Variants in MDN1 observed in about 807,000 individuals in gnomAD.
MDN1 encodes midasin AAA ATPase 1, also known as midasin.
A neutral mutation model predicts 669.2 loss-of-function variants in MDN1; 266 were observed. The ratio of observed to expected loss-of-function variants is 0.40; its 90% CI spans 0.36 to 0.44. The LOEUF is 0.44. Ranked by LOEUF, MDN1 falls within the 20% of genes least tolerant of loss-of-function variation. The probability of loss-of-function intolerance (pLI) is 1.00; values close to 1 mark genes in which losing one functional copy is unlikely to be tolerated. For synonymous variants in MDN1, 2,385 were observed against 2,457.1 expected (o/e 0.97, Z 0.87); for missense variants, 5,940 against 6,754.0 (o/e 0.88, Z 4.22).
At chr6:89,784,461 A>G (rs1474575231) in intron 9 of MDN1, among the ~76,000 whole-genome samples, 10 of 152,238 alleles carry the variant, frequency 6.6e-5, no homozygotes, top group Admixed American at 6.5e-4. Context: ...TCTCCTAGAT[A>G]AAGCACTGGG....
intron 15 of MDN1, among the ~76,000 whole-genome samples, chr6:89,768,039 A>T (rs971285805): frequency 2.0e-5 from 3 of 151,500 alleles, no homozygotes; most frequent in African/African-American, 7.3e-5. Context: ...CCCTGTCTCA[A>T]AAAAAAAACA....
chr6:89,711,957 T>A (rs1265064513), intron 49 of MDN1, 79 bp downstream of exon 49: 1 of 1,280,554 alleles, frequency 7.8e-7, no homozygotes, highest in African/African-American at 1.5e-5. Context: ...AGTCACAGAT[T>A]AACACAGCTG....
intron 1 of MDN1, among the ~76,000 whole-genome samples, chr6:89,810,892 GGCAGGAGAATT>G (rs1470676768): frequency 6.6e-6 from 1 of 152,126 alleles, no homozygotes; most frequent in Non-Finnish European, 1.5e-5. Flanking sequence ...CAGCTGCTGA[GGCAGGAGAATT>G]GCTTGAACCA....
At position 89,743,582 on chromosome 6, in the gene MDN1, G is replaced by T. The variant is rs148605245; in HGVS notation, c.4311C>A (p.Asn1437Lys). Residue 1437 changes from asparagine (N) to lysine (K), a missense_variant, in exon 30 of 102, where the codon AAC becomes AAA. By Grantham distance (94) the Asn-to-Lys change is moderately conservative (BLOSUM62 0). This residue lies in a region of MDN1 where 2,292 missense variants were observed against 2,638.3 expected (regional missense o/e 0.87). Coordinates refer to ENST00000369393, the MANE Select transcript of MDN1 (RefSeq NM_014611.3). ...CACTTGCTGCTGGACAAACCTTGTC[G>T]TTTGGCTTTTGTCTCACTGGCCGCA... ...GGLRPVRQKP[N>K]DKEEIDTSRL... is the part of the protein sequence containing the mutation. 1 of 1,613,364 alleles carries T rather than the reference G, an allele frequency of 6.2e-7. No individual in the cohort carries two copies. Among genetic ancestry groups the T allele is most frequent in the African/African-American group, 1.3e-5 (1 of 74,862 alleles).
chr6:89,778,973 A>G (rs1055395900), intron 11 of MDN1, among the ~76,000 whole-genome samples: 3 of 148,750 alleles, frequency 2.0e-5, no homozygotes, highest in Middle Eastern at 3.5e-3. Context: ...GTACTAAAAT[A>G]AGCCAAAGAA....
intron 2 of MDN1, among the ~76,000 whole-genome samples, chr6:89,799,732 T>C (rs1004634532): frequency 2.0e-5 from 3 of 152,200 alleles, no homozygotes; most frequent in Non-Finnish European, 4.4e-5. Context: ...TTTATGCATT[T>C]TCCTACCACA....
chr6:89,725,201 G>T lies in MDN1; in HGVS notation c.5668C>A (p.Gln1890Lys), dbSNP rs965285385. ...LPRSFLNRFT[Q>K]VFVDPLTVID... Reference sequence around the variant, plus strand: ...TCTATGGCAACAGCAAATCTTACCTGAGTGAATCTGTTAAGGAAAGACCTG... The same window carrying T: ...TCTATGGCAACAGCAAATCTTACCTTAGTGAATCTGTTAAGGAAAGACCTG... The change falls in exon 38 of 102, where the codon CAG becomes AAG. Residue 1890 changes from glutamine (Q) to lysine (K), a missense_variant and splice_region_variant. Physicochemically the swap from Gln to Lys is moderately conservative, Grantham distance 53. This residue lies in a region of MDN1 where 2,292 missense variants were observed against 2,638.3 expected (regional missense o/e 0.87). Coordinates refer to ENST00000369393, the MANE Select transcript of MDN1 (RefSeq NM_014611.3). 6.2e-7 allele frequency: 1 copy of T among 1,613,716 alleles called. No individual in the cohort carries two copies. Among genetic ancestry groups the T allele is most frequent in the Non-Finnish European group, 8.5e-7 (1 of 1,179,858 alleles).
chr6:89,714,260 T>C (rs923062864), intron 46 of MDN1, among the ~76,000 whole-genome samples: 1 of 152,104 alleles, frequency 6.6e-6, no homozygotes, highest in African/African-American at 2.4e-5. Flanking sequence ...TGGGCAAACT[T>C]CATAAACCTC....
rs541564987 is a variant in MDN1 at position 89,692,876 on chromosome 6, C to T, written c.10154G>A (p.Arg3385Gln). Residue 3385 changes from arginine (R) to glutamine (Q), a missense_variant, in exon 63 of 102, where the codon CGG becomes CAG. Coordinates refer to ENST00000369393, the MANE Select transcript of MDN1 (RefSeq NM_014611.3). ...WQQSHHQFRK[R>Q]LSEEYTFYPD... The stretch of plus-strand genomic sequence containing the variant: ...ATAGAAGGTGTACTCCTCTGACAGC[C>T]GCTTCCGGAACTGGTGGTGTGACTG... 43 of 1,614,104 alleles carry T rather than the reference C, an allele frequency of 2.7e-5. No individual in the cohort carries two copies. The South Asian group carries it at 3.4e-4, about 13-fold the overall frequency.
chr6:89,746,611 A>AGAAAG (rs1554191093), intron 27 of MDN1, among the ~76,000 whole-genome samples: 4 of 40,548 alleles, frequency 9.9e-5, no homozygotes, highest in Admixed American at 5.5e-4. Flanking sequence ...AAAAAAAAAA[A>AGAAAG]AAAGAAAGAA....
chr6:89,646,640 T>A, intron 99 of MDN1, 37 bp from the exon 100 acceptor site: 1 of 1,543,576 alleles, frequency 6.5e-7, no homozygotes, highest in East Asian at 2.2e-5. Flanking sequence ...TAGAAAACTA[T>A]GTGAATGCTC....
intron 50 of MDN1, 147 bp from the exon 51 acceptor site, chr6:89,708,775 T>G (rs1584240439): frequency 2.4e-6 from 2 of 829,214 alleles, no homozygotes; most frequent in East Asian, 5.0e-5. Context: ...ACCATGAGTT[T>G]CATCCCATAA....
intron 1 of MDN1, among the ~76,000 whole-genome samples, chr6:89,818,513 A>G (rs1182313383): frequency 6.6e-6 from 1 of 151,514 alleles, no homozygotes; most frequent in Non-Finnish European, 1.5e-5. Context: ...CTGGGACCCA[A>G]GTACCTGGGA....
Position 89,727,888 on chromosome 6 carries a change from C to T in MDN1, c.5417G>A (p.Arg1806His), listed in dbSNP as rs925090167. 22 of 1,613,904 alleles carry T rather than the reference C, an allele frequency of 1.4e-5. No individual in the cohort carries two copies. The highest frequency in any genetic ancestry group is 1.6e-4 in the Middle Eastern group (1 of 6,082). The part of the protein sequence containing the change: ...EGGKGGEFAW[R>H]DGPLLAALKA... ...CAAAGCTGCCAGTAAGGGGCCATCA[C>T]GCCAGGCAAACTCTCCTCCCTTGCC... Residue 1806 changes from arginine (R) to histidine (H), a missense_variant, in exon 37 of 102, where the codon CGT (arginine) becomes CAT (histidine). Physicochemically the swap from Arg to His is conservative, Grantham distance 29. Coordinates refer to ENST00000369393, the MANE Select transcript of MDN1 (RefSeq NM_014611.3).
intron 26 of MDN1, 65 bp from the exon 27 acceptor site, chr6:89,747,535 A>G: frequency 1.4e-6 from 2 of 1,435,300 alleles, no homozygotes; most frequent in South Asian, 2.5e-5. Flanking sequence ...TTTTTAGTAC[A>G]ATGCATATAA....
At chr6:89,715,228 A>G (rs993058039) in intron 45 of MDN1, among the ~76,000 whole-genome samples, 29 of 152,112 alleles carry the variant, frequency 1.9e-4, no homozygotes. Flanking sequence ...TCCCTTTCTC[A>G]ATGAATGGCA....
intron 20 of MDN1, 133 bp from the exon 21 acceptor site, chr6:89,754,363 CAA>C (rs1195575342): frequency 1.2e-6 from 1 of 840,358 alleles, no homozygotes; most frequent in African/African-American, 1.8e-5. Flanking sequence ...GGGCATGCAT[CAA>C]AATATCTTAG....
chr6:89,678,728 C>G lies in MDN1; in HGVS notation c.12283G>C (p.Val4095Leu), dbSNP rs766039580. 15 of 1,612,062 alleles carry G rather than the reference C, an allele frequency of 9.3e-6. No homozygotes were observed. Among genetic ancestry groups the G allele is most frequent in the Admixed American group, 3.4e-5 (2 of 59,522 alleles). ...DQFTGEVISS[V>L]SELQSLKVEP... ...ACCTTTAAGCTCTGCAGCTCACTCA[C>G]AGAGGAAATCACTTCACCTGTAAGG... The change falls in exon 75 of 102, where the codon GTG becomes CTG. Residue 4095 changes from valine to leucine, a missense_variant. By Grantham distance (32) the Val-to-Leu change is conservative. Transcript: ENST00000369393.
Position 89,698,987 on chromosome 6 carries a change from T to C in MDN1, c.9046A>G (p.Met3016Val). The C allele has an allele frequency of 6.2e-7, 1 of 1,613,938 alleles. No homozygotes were observed. The highest frequency in any genetic ancestry group is 1.1e-5 in the South Asian group (1 of 91,080). ...TSLWSELFNS[M>V]FMSFWSSTVT... ...GTACTGCTCCAGAAAGACATAAACA[T>C]GGAATTAAATAACTCGGACCACAAA... The change falls in exon 59 of 102, where the codon ATG becomes GTG. Residue 3016 changes from methionine (M) to valine (V), a missense_variant. Met to Val is a conservative substitution (Grantham distance 21). Coordinates refer to ENST00000369393, the MANE Select transcript of MDN1 (RefSeq NM_014611.3).
Sources: gnomAD v4.1 joint callset for allele counts (sites outside exome capture counted in the v4.1 genomes callset) on GRCh38, gnomAD v4.1.1 for gene constraint, gnomAD v4.1.1 regional missense constraint, MANE v1.5 for transcripts, NCBI Gene and HGNC (gene_info 2026-07-23, HGNC 2026-07-21) for gene names.